The following NUMA1 variants were observed in gnomAD, a reference collection of about 807,000 sequenced individuals.
NUMA1 encodes SP-H antigen.
In NUMA1, 62 loss-of-function variants were observed where a neutral mutation model predicts 237.1. That is an observed-to-expected ratio of 0.26 (90% CI 0.21 to 0.32). The LOEUF (loss-of-function observed/expected upper bound fraction) is 0.32. Ranked by LOEUF, NUMA1 falls within the 10% of genes least tolerant of loss-of-function variation. The pLI, the probability that NUMA1 is intolerant of heterozygous loss-of-function variation, is 1.00. For missense variants in NUMA1, 2,533 were observed against 2,666.5 expected, an observed-to-expected ratio of 0.95 and a Z score of 1.10; for synonymous variants, 1,028 against 1,066.1, an observed-to-expected ratio of 0.96 and a Z score of 0.70.
At chr11:72,079,322 C>G (rs1943904653) in intron 1 of NUMA1, among the ~76,000 whole-genome samples, 1 of 152,100 alleles carries the variant, frequency 6.6e-6, no homozygotes, top group Admixed American at 6.5e-5. Flanking sequence ...GCGGGCGGAT[C>G]ACGAGGTCAA....
At position 72,014,792 on chromosome 11, in the gene NUMA1, G is replaced by C; in HGVS notation, c.2711C>G (p.Thr904Ser). 6.2e-7 allele frequency: 1 copy of C among 1,614,204 alleles called. No homozygotes were observed. Among genetic ancestry groups the C allele is most frequent in the Non-Finnish European group, 8.5e-7 (1 of 1,180,032 alleles). Residue 904 changes from threonine to serine, a missense_variant, in exon 15 of 27, where the codon ACT becomes AGT. Thr to Ser is a moderately conservative substitution (Grantham distance 58). This residue lies in a region of NUMA1 where 1,414 missense variants were observed against 1,508.1 expected (regional missense o/e 0.94). Transcript: ENST00000393695. This position sits in a 1 kb window ranked among gnomAD's most constrained non-coding sequence, Gnocchi z 4.6. ...RAQKLADDLS[T>S]LQEKMAATSK... ...GGTGGCAGCCATCTTTTCCTGCAGA[G>C]TGGAGAGGTCATCTGCAAGCTTCTG...
At chr11:72,037,832 G>A (rs1332995514) in intron 2 of NUMA1, among the ~76,000 whole-genome samples, 1 of 152,142 alleles carries the variant, frequency 6.6e-6, no homozygotes. Context: ...AAAGCTAAGG[G>A]GCTTATGTTC....
At chr11:72,038,752 G>A (rs1941332208) in intron 2 of NUMA1, among the ~76,000 whole-genome samples, 1 of 151,866 alleles carries the variant, frequency 6.6e-6, no homozygotes, top group South Asian at 2.1e-4. Flanking sequence ...AGGATCTGCT[G>A]AGATCCACCC....
chr11:72,021,012 G>A, intron 8 of NUMA1, 192 bp downstream of exon 8: 1 of 564,970 alleles, frequency 1.8e-6, no homozygotes, highest in Non-Finnish European at 3.2e-6. Flanking sequence ...CAGCAAGGAG[G>A]AGCTCCATAG....
Position 72,077,746 on chromosome 11 carries a change from G to A in NUMA1, c.-103+2712C>T, listed in dbSNP as rs1400281544. Reference sequence around the variant, plus strand: ...GGAGAATGGTGTGAACCTGGGAGGCGGAGCTTGCAGTGAGCCGAGACTGTG... The same window carrying A: ...GGAGAATGGTGTGAACCTGGGAGGCAGAGCTTGCAGTGAGCCGAGACTGTG... On this transcript the variant is annotated intron_variant, in intron 1 of 26. Transcript: ENST00000393695. 4.7e-5 allele frequency among the ~76,000 whole-genome samples: 7 copies of A among 148,824 alleles called. No individual in the cohort carries two copies. The East Asian group carries it at 1.0e-3, about 21-fold the overall frequency.
intron 20 of NUMA1, chr11:72,008,215 AT>A: frequency 2.3e-6 from 1 of 441,410 alleles, no homozygotes; most frequent in Admixed American, 2.8e-5. Flanking sequence ...TATACTAGCT[AT>A]TAGAATAATC....
intron 2 of NUMA1, among the ~76,000 whole-genome samples, chr11:72,063,922 CAAAA>C (rs35238614): frequency 1.9e-5 from 1 of 52,546 alleles, no homozygotes; most frequent in African/African-American, 7.1e-5. Flanking sequence ...GATCTTGTGT[CAAAA>C]AAAAAAAAAA....
Position 72,008,821 on chromosome 11 carries a change from G to A in NUMA1, c.5083C>T (p.Arg1695Ter), listed in dbSNP as rs1229344654. Residue 1695 changes from arginine to a stop codon, truncating the protein, a stop_gained, in exon 20 of 27, where the codon CGA becomes TGA. Transcript: ENST00000393695. LOFTEE classifies it high-confidence loss of function. ...GCCACCTGGAATTTGCCCAGGTCTCGAAGCTGCTGGTCTGCATGGGCAACC... is the reference window on the plus strand; with the variant it reads ...GCCACCTGGAATTTGCCCAGGTCTCAAAGCTGCTGGTCTGCATGGGCAACC... ...AQVAHADQQL[R>*]DLGKFQVATD... 3 of 1,614,130 alleles carry A rather than the reference G, an allele frequency of 1.9e-6. No homozygotes were observed. Among genetic ancestry groups the A allele is most frequent in the Admixed American group, 1.7e-5 (1 of 60,028 alleles).
chr11:72,061,848 C>A (rs1942961662), intron 2 of NUMA1, among the ~76,000 whole-genome samples: 1 of 152,034 alleles, frequency 6.6e-6, no homozygotes, highest in African/African-American at 2.4e-5. Context: ...GTAGTTCCTA[C>A]CCACACACCA....
intron 3 of NUMA1, among the ~76,000 whole-genome samples, chr11:72,033,113 C>T (rs1940539236): frequency 6.6e-6 from 1 of 152,038 alleles, no homozygotes; most frequent in African/African-American, 2.4e-5. Flanking sequence ...GCTTTAGCTC[C>T]ACAACTTTTG....
intron 13 of NUMA1, chr11:72,017,344 A>G (rs1313485462): frequency 1.1e-5 from 4 of 361,510 alleles, no homozygotes; most frequent in African/African-American, 4.2e-5. Flanking sequence ...ACGTTTTCTC[A>G]TAATAGGTGA....
In NUMA1 at chr11:72,006,939, C is replaced by G. The variant is rs116629053; in HGVS notation, c.5463+250G>C. On this transcript the variant is annotated intron_variant, in intron 21 of 26. Coordinates refer to ENST00000393695, the MANE Select transcript of NUMA1 (RefSeq NM_006185.4). ...CCACGTTCTCTCCCTTCACCCTGCA[C>G]AGGCTCAGTGCTACGCATGGAGAGA... Among the ~76,000 whole-genome samples, 662 of 152,362 alleles carry G rather than the reference C, an allele frequency of 4.3e-3. 2 individuals are homozygous for G. Among genetic ancestry groups the G allele is most frequent in the African/African-American group, 0.015 (632 of 41,586 alleles).
intron 17 of NUMA1, among the ~76,000 whole-genome samples, chr11:72,010,012 A>G (rs1045908077): frequency 1.3e-5 from 2 of 152,248 alleles, no homozygotes; most frequent in African/African-American, 4.8e-5. Context: ...TGCAAGGCCA[A>G]CAAGTGCTTT....
intron 2 of NUMA1, among the ~76,000 whole-genome samples, chr11:72,038,629 T>TCC (rs1941315815): frequency 6.6e-6 from 1 of 151,576 alleles, no homozygotes; most frequent in African/African-American, 2.4e-5. Flanking sequence ...CCAGCCAGAG[T>TCC]ACCATCCTCC....
intron 1 of NUMA1, among the ~76,000 whole-genome samples, chr11:72,077,030 A>AT (rs1226742685): frequency 6.6e-6 from 1 of 152,220 alleles, no homozygotes; most frequent in Non-Finnish European, 1.5e-5. Flanking sequence ...CAAAAAACAA[A>AT]TTAGACCTAG....
At position 72,014,636 on chromosome 11, in the gene NUMA1, T is replaced by C. The variant is rs945602410; in HGVS notation, c.2867A>G (p.Gln956Arg). Residue 956 changes from glutamine (Q) to arginine (R), a missense_variant, in exon 15 of 27, where the codon CAG becomes CGG. Around this residue, in one of 3 missense-constraint regions of NUMA1, gnomAD observed 1,414 missense variants for 1,508.1 expected, o/e 0.94. Coordinates refer to ENST00000393695, the MANE Select transcript of NUMA1 (RefSeq NM_006185.4). The surrounding 1 kb of genome is among the most constrained non-coding windows in gnomAD (Gnocchi z 4.6). ...DRQPEWLEEQQGRQFCSTQAA... is the reference protein window; with the variant it reads ...DRQPEWLEEQRGRQFCSTQAA... The stretch of plus-strand genomic sequence containing the variant: ...CTGTGTGCTGCAGAACTGGCGTCCC[T>C]GTTGCTCTTCCAGCCACTCGGGCTG... 1.2e-6 allele frequency: 2 copies of C among 1,610,944 alleles called. No individual in the cohort carries two copies. The highest frequency in any genetic ancestry group is 2.7e-5 in the African/African-American group (2 of 74,948).
intron 22 of NUMA1, 124 bp downstream of exon 22, chr11:72,005,911 G>C: frequency 1.3e-6 from 1 of 789,526 alleles, no homozygotes; most frequent in Non-Finnish European, 2.0e-6. Context: ...GGAGGGGCAG[G>C]TGGAGCTGGA....
intron 16 of NUMA1, among the ~76,000 whole-genome samples, chr11:72,011,085 G>A (rs111629823): frequency 3.3e-5 from 5 of 152,236 alleles, no homozygotes; most frequent in African/African-American, 9.6e-5. Context: ...CTGTTCTTGC[G>A]TCTACCCTGA....
At chr11:72,071,671 G>T (rs1160496959) in intron 1 of NUMA1, among the ~76,000 whole-genome samples, 1 of 152,158 alleles carries the variant, frequency 6.6e-6, no homozygotes, top group African/African-American at 2.4e-5. Flanking sequence ...AGTTATATAG[G>T]AAGATACCTT....
Sources: gnomAD v4.1 joint callset for allele counts (sites outside exome capture counted in the v4.1 genomes callset) on GRCh38, gnomAD v4.1.1 for gene constraint, gnomAD v4.1.1 regional missense constraint, Gnocchi (gnomAD v3.1) non-coding constraint, MANE v1.5 for transcripts, NCBI Gene and HGNC (gene_info 2026-07-23, HGNC 2026-07-21) for gene names.